GBX1: variants seen among roughly 807,000 people sequenced by gnomAD.
The protein encoded by GBX1 is gastrulation brain homeobox 1.
Under a neutral mutation model 22.9 loss-of-function variants are expected in GBX1, and 9 were observed. That is an observed-to-expected ratio of 0.39 (90% CI 0.24 to 0.69). GBX1 has a LOEUF of 0.69. Ranked by LOEUF, GBX1 falls within the 30% of genes least tolerant of loss-of-function variation. The pLI is 0.43. For synonymous variants in GBX1, 203 were observed against 227.3 expected (o/e 0.89, Z 0.96); for missense variants, 494 against 509.2 (o/e 0.97, Z 0.29).
intron 1 of GBX1, 33 bp from the exon 2 acceptor site, chr7:151,149,175 G>A (rs1801049456): frequency 1.3e-6 from 2 of 1,568,228 alleles, no homozygotes; most frequent in East Asian, 2.2e-5. Context: ...GGATGGGGAG[G>A]GAGAAGCAAG....
intron 1 of GBX1, among the ~76,000 whole-genome samples, chr7:151,151,009 G>A (rs1801073650): frequency 6.6e-6 from 1 of 152,202 alleles, no homozygotes; most frequent in Admixed American, 6.5e-5. Context: ...CAGGATTACA[G>A]GTGTGAGCCA....
At chr7:151,149,745 TTC>T in intron 1 of GBX1, 1 of 358,500 alleles carries the variant, frequency 2.8e-6, no homozygotes, top group South Asian at 2.0e-5. Flanking sequence ...ATGGCCTCTG[TTC>T]TGTCTCCTCC....
intron 1 of GBX1, 55 bp downstream of exon 1, chr7:151,166,956 T>C (rs542666192): frequency 2.3e-4 from 360 of 1,571,912 alleles, no homozygotes; most frequent in Non-Finnish European, 2.9e-4. Flanking sequence ...GGTTCCTGTC[T>C]GGAATTTCCA....
chr7:151,165,384 A>T (rs1584806326), intron 1 of GBX1, among the ~76,000 whole-genome samples: 1 of 151,760 alleles, frequency 6.6e-6, no homozygotes, highest in East Asian at 1.9e-4. Context: ...TCCCCCCTCC[A>T]TCCTCTCTCT....
In GBX1 at chr7:151,167,308, C is replaced by A. The variant is rs1179602524; in HGVS notation, c.241G>T (p.Gly81Cys). 2.0e-6 allele frequency: 3 copies of A among 1,524,306 alleles called. No homozygotes were observed. The highest frequency in any genetic ancestry group is 1.8e-6 in the Non-Finnish European group (2 of 1,138,868). 94.4% of individuals were successfully genotyped at this position (1,524,306 alleles called of 1,614,324 possible). A position where few individuals can be genotyped will look rare whatever the true frequency, so the allele number is the denominator to read the frequency against. ...GCGCAGAAGGTGTTGGTAAGGCGGC[C>A]GGCGAAAGAGGCTAGCGGGGCGAGG... ...PPLAPLASFA[G>C]RLTNTFCAGL... The change falls in exon 1 of 2, where the codon GGC becomes TGC. Residue 81 changes from glycine to cysteine, a missense_variant. Physicochemically the swap from Gly to Cys is radical, Grantham distance 159. This residue lies in a region of GBX1 where 365 missense variants were observed against 340.4 expected (regional missense o/e 1.07). Transcript: ENST00000297537. The surrounding 1 kb of genome is among the most constrained non-coding windows in gnomAD (Gnocchi z 5.9).
chr7:151,149,675 G>GCTCA lies in GBX1; in HGVS notation c.539-537_539-534dup, dbSNP rs1247717057. 4 of 307,436 alleles carry GCTCA rather than the reference G, an allele frequency of 1.3e-5. No homozygotes were observed. The Admixed American group carries it at 1.9e-4, about 15-fold the overall frequency. 19.0% of individuals were successfully genotyped at this position (307,436 alleles called of 1,614,324 possible). A position where few individuals can be genotyped will look rare whatever the true frequency, so the allele number is the denominator to read the frequency against. ...TGGCAGGACAGACGGGGAGAGAAGG[G>GCTCA]CTCAGCCTTTGCACTTCTCCTAGGA... On this transcript the variant is annotated intron_variant, in intron 1 of 1. Coordinates refer to ENST00000297537, the MANE Select transcript of GBX1 (RefSeq NM_001098834.3).
chr7:151,167,549 C>T lies in GBX1; in HGVS notation c.-1G>A, dbSNP rs1042031820. On this transcript the variant is annotated 5_prime_UTR_variant, in exon 1 of 2. Transcript: ENST00000297537. The surrounding 1 kb of genome is among the most constrained non-coding windows in gnomAD (Gnocchi z 5.9). ...CGCTACCGCCTCCGGCCCGCTGCAT[C>T]TTGTTCGGAGCTGCGGCCGCCCCGG... is the stretch of plus-strand genomic sequence containing the variant. 1 of 1,447,610 alleles carries T rather than the reference C, an allele frequency of 6.9e-7. No homozygotes were observed. Among genetic ancestry groups the T allele is most frequent in the Admixed American group, 3.1e-5 (1 of 32,398 alleles). 89.7% of individuals were successfully genotyped at this position (1,447,610 alleles called of 1,614,324 possible).
intron 1 of GBX1, among the ~76,000 whole-genome samples, chr7:151,154,135 G>A (rs991774492): frequency 6.6e-6 from 1 of 152,096 alleles, no homozygotes. Flanking sequence ...CTACTTTTGA[G>A]GCTGAGGCAG....
At chr7:151,151,980 T>A (rs1156759299) in intron 1 of GBX1, among the ~76,000 whole-genome samples, 1 of 152,250 alleles carries the variant, frequency 6.6e-6, no homozygotes, top group Non-Finnish European at 1.5e-5. Flanking sequence ...ACTCTCTATG[T>A]CCTTTCTCCG....
intron 1 of GBX1, among the ~76,000 whole-genome samples, chr7:151,155,406 A>G (rs555230935): frequency 6.6e-6 from 1 of 152,336 alleles, no homozygotes; most frequent in African/African-American, 2.4e-5. Flanking sequence ...TTTCAAAAAC[A>G]GTACTTTCTC....
chr7:151,163,974 A>G (rs147638202), intron 1 of GBX1, among the ~76,000 whole-genome samples: 7 of 152,346 alleles, frequency 4.6e-5, no homozygotes, highest in African/African-American at 1.4e-4. Flanking sequence ...CAATCAAGTC[A>G]TAACAAAGTT....
intron 1 of GBX1, among the ~76,000 whole-genome samples, chr7:151,160,064 C>G (rs994038966): frequency 5.9e-5 from 9 of 152,182 alleles, no homozygotes; most frequent in African/African-American, 2.2e-4. Flanking sequence ...AGGCCCTTCG[C>G]TCAGGATGCC....
chr7:151,151,307 C>G (rs1801077606), intron 1 of GBX1, among the ~76,000 whole-genome samples: 1 of 152,170 alleles, frequency 6.6e-6, no homozygotes, highest in South Asian at 2.1e-4. Context: ...GCATCAAGAC[C>G]CATCTGGGTA....
chr7:151,160,164 C>T (rs1801175255), intron 1 of GBX1, among the ~76,000 whole-genome samples: 2 of 152,180 alleles, frequency 1.3e-5, no homozygotes, highest in Non-Finnish European at 2.9e-5. Flanking sequence ...TAGAGATCAC[C>T]TAATTCAAGC....
At position 151,154,192 on chromosome 7, in the gene GBX1, CAG is replaced by C. The variant is rs566634711; in HGVS notation, c.539-5052_539-5051del. 6.3e-4 allele frequency among the ~76,000 whole-genome samples: 96 copies of C among 151,964 alleles called. No homozygotes were observed. In the Middle Eastern group the frequency reaches 0.014, roughly 22 times the overall value. On this transcript the variant is annotated intron_variant, in intron 1 of 1. Transcript: ENST00000297537. ...CGCCACTGCACTCCAGCCTGGGCGA[CAG>C]AGTCTCTGTCTCGAAAAAAAAAAGT... is the stretch of plus-strand genomic sequence containing the variant.
At chr7:151,155,471 A>G (rs1732762198) in intron 1 of GBX1, among the ~76,000 whole-genome samples, 2 of 152,138 alleles carry the variant, frequency 1.3e-5, no homozygotes, top group Admixed American at 6.5e-5. Context: ...CATTCTCATG[A>G]ATTTCATGCT....
Position 151,149,160 on chromosome 7 carries a change from C to G in GBX1, c.539-18G>C. 1.3e-6 allele frequency: 2 copies of G among 1,587,142 alleles called. No individual in the cohort carries two copies. Among genetic ancestry groups the G allele is most frequent in the South Asian group, 2.2e-5 (2 of 89,012 alleles). On this transcript the variant is annotated intron_variant, in intron 1 of 1. Coordinates refer to ENST00000297537, the MANE Select transcript of GBX1 (RefSeq NM_001098834.3). ...CCCCTCTGCTGTGAGGAGCAAGAAG[C>G]CAATGGATGGGGAGGGAGAAGCAAG... is the stretch of plus-strand genomic sequence containing the variant.
chr7:151,154,492 G>A (rs1413565119), intron 1 of GBX1, among the ~76,000 whole-genome samples: 1 of 152,200 alleles, frequency 6.6e-6, no homozygotes, highest in African/African-American at 2.4e-5. Flanking sequence ...GTAATAAGAA[G>A]ACTATATTGA....
intron 1 of GBX1, among the ~76,000 whole-genome samples, chr7:151,155,987 T>C (rs1801129099): frequency 6.6e-6 from 1 of 152,210 alleles, no homozygotes; most frequent in South Asian, 2.1e-4. Context: ...GCTGTTTTCA[T>C]TCTTTCCAGT....
Sources: allele counts gnomAD v4.1 joint callset (sites outside exome capture counted in the v4.1 genomes callset), GRCh38; gene constraint gnomAD v4.1.1; regional missense constraint gnomAD v4.1.1; non-coding constraint Gnocchi (gnomAD v3.1); transcripts MANE v1.5; gene names NCBI Gene and HGNC (gene_info 2026-07-23, HGNC 2026-07-21).